MEMO1: variants seen among roughly 807,000 people sequenced by gnomAD.
MEMO1 encodes protein MEMO1.
Under a neutral mutation model 45.2 loss-of-function variants are expected in MEMO1, and 6 were observed. That is an observed-to-expected ratio of 0.13 (90% CI 0.07 to 0.26). The LOEUF (loss-of-function observed/expected upper bound fraction) is 0.26, where lower values mean the gene tolerates loss of function less well. Ranked by LOEUF, MEMO1 falls within the 10% of genes least tolerant of loss-of-function variation. The pLI is 1.00. For synonymous variants in MEMO1, 78 were observed against 124.3 expected (o/e 0.63, Z 2.48); for missense variants, 184 against 370.5 (o/e 0.50, Z 4.13).
chr2:31,994,331 A>G (rs1422286047), intron 2 of MEMO1, among the ~76,000 whole-genome samples: 1 of 151,838 alleles, frequency 6.6e-6, no homozygotes, highest in Non-Finnish European at 1.5e-5. Context: ...CTGGCATCCA[A>G]TAAAAATTAA....
chr2:31,921,067 T>C (rs972624895), intron 4 of MEMO1, among the ~76,000 whole-genome samples, 157 bp from the exon 5 acceptor site: 2 of 152,212 alleles, frequency 1.3e-5, no homozygotes, highest in Admixed American at 6.5e-5. Context: ...AATTCACATG[T>C]TGAAGAACCA....
intron 7 of MEMO1, among the ~76,000 whole-genome samples, chr2:31,890,206 T>A (rs1676762359): frequency 6.6e-6 from 1 of 152,144 alleles, no homozygotes; most frequent in African/African-American, 2.4e-5. Flanking sequence ...ATGTTACAGT[T>A]GCACAGGTTG....
At chr2:31,887,247 A>G (rs1420669750) in intron 7 of MEMO1, among the ~76,000 whole-genome samples, 1 of 152,160 alleles carries the variant, frequency 6.6e-6, no homozygotes, top group Non-Finnish European at 1.5e-5. Context: ...TGGTACAAGA[A>G]CCAATGCTAC....
chr2:31,883,018 G>A (rs778750779), intron 8 of MEMO1, among the ~76,000 whole-genome samples: 40 of 152,090 alleles, frequency 2.6e-4, no homozygotes, highest in Non-Finnish European at 5.3e-4. Context: ...ATTTCAGGTA[G>A]TCGTGAAACA....
At chr2:31,906,908 G>C (rs1261055519) in intron 6 of MEMO1, among the ~76,000 whole-genome samples, 1 of 152,104 alleles carries the variant, frequency 6.6e-6, no homozygotes, top group Non-Finnish European at 1.5e-5. Context: ...CCAATATCTA[G>C]CTATAAATAT....
At chr2:31,980,085 C>T (rs965297707) in intron 2 of MEMO1, among the ~76,000 whole-genome samples, 32 of 150,750 alleles carry the variant, frequency 2.1e-4, no homozygotes, top group African/African-American at 6.8e-4. Context: ...TTAAAAAGAA[C>T]GGAAACTAAT....
intron 2 of MEMO1, among the ~76,000 whole-genome samples, chr2:32,005,500 T>G (rs552291128): frequency 6.6e-6 from 1 of 152,228 alleles, no homozygotes; most frequent in South Asian, 2.1e-4. Context: ...ATTATGTGAA[T>G]GTACTTAATT....
intron 8 of MEMO1, among the ~76,000 whole-genome samples, chr2:31,878,790 C>CA (rs1172112824): frequency 5.3e-5 from 5 of 93,656 alleles, no homozygotes; most frequent in Non-Finnish European, 8.4e-5. Context: ...GTTACCTAAC[C>CA]AAAAAAAGAC....
At chr2:31,958,384 A>C (rs1236481477) in intron 2 of MEMO1, among the ~76,000 whole-genome samples, 2 of 151,662 alleles carry the variant, frequency 1.3e-5, no homozygotes, top group Non-Finnish European at 2.9e-5. Flanking sequence ...GCCTGGATTG[A>C]AGTGGTACCT....
intron 4 of MEMO1, among the ~76,000 whole-genome samples, chr2:31,927,276 C>T (rs1253924381): frequency 3.3e-5 from 5 of 152,032 alleles, no homozygotes; most frequent in Admixed American, 6.5e-5. Flanking sequence ...GCTGAGATAG[C>T]GCCACTGCAT....
chr2:31,888,084 T>A (rs895750427), intron 7 of MEMO1, among the ~76,000 whole-genome samples: 1 of 151,662 alleles, frequency 6.6e-6, no homozygotes, highest in Non-Finnish European at 1.5e-5. Context: ...TTTAAAAAAA[T>A]ATATGTCATA....
chr2:31,999,176 A>C (rs1429881482), intron 2 of MEMO1, among the ~76,000 whole-genome samples: 1 of 152,156 alleles, frequency 6.6e-6, no homozygotes, highest in Non-Finnish European at 1.5e-5. Context: ...ACTCATTTCA[A>C]GCCACTATCA....
chr2:31,912,066 G>A (rs1435802090), intron 6 of MEMO1, among the ~76,000 whole-genome samples: 1 of 152,118 alleles, frequency 6.6e-6, no homozygotes, highest in Non-Finnish European at 1.5e-5. Flanking sequence ...GGGAGCGGTG[G>A]GTCACACCTA....
At chr2:31,964,622 A>G (rs1326146347) in intron 2 of MEMO1, among the ~76,000 whole-genome samples, 2 of 152,158 alleles carry the variant, frequency 1.3e-5, no homozygotes, top group African/African-American at 4.8e-5. Context: ...AATCACTTGC[A>G]CCTGGGAGGC....
At chr2:31,989,505 G>T (rs917462040) in intron 2 of MEMO1, among the ~76,000 whole-genome samples, 1 of 152,166 alleles carries the variant, frequency 6.6e-6, no homozygotes, top group African/African-American at 2.4e-5. Context: ...ACTGACTAAT[G>T]CATGATGTTT....
At position 31,969,598 on chromosome 2, in the gene MEMO1, T is replaced by G. The variant is rs549010007; in HGVS notation, c.62-26215A>C. On this transcript the variant is annotated intron_variant, in intron 2 of 9. Transcript: ENST00000404530. Reference sequence around the variant, plus strand: ...GGGTGTGTGTGTGGGTGTGTGTGTGTGTGTGTGTGTGTGTGTGTGTGTGTG... The same window carrying G: ...GGGTGTGTGTGTGGGTGTGTGTGTGGGTGTGTGTGTGTGTGTGTGTGTGTG... Among the ~76,000 whole-genome samples the G allele has an allele frequency of 3.9e-3, 565 of 144,178 alleles. 2 individuals are homozygous for G. The highest frequency in any genetic ancestry group is 0.01 in the African/African-American group (383 of 37,182). The allele number at this position is 144,178 out of a possible 152,430, so 94.6% of individuals were successfully genotyped here.
intron 2 of MEMO1, among the ~76,000 whole-genome samples, chr2:31,957,057 A>G (rs934729425): frequency 3.3e-5 from 5 of 151,362 alleles, no homozygotes; most frequent in African/African-American, 1.2e-4. Flanking sequence ...CAGGAGAATC[A>G]CTTGAACCAG....
chr2:31,872,243 CTAATTGTAGGCTCTT>C (rs1673891838), intron 8 of MEMO1, among the ~76,000 whole-genome samples: 1 of 152,144 alleles, frequency 6.6e-6, no homozygotes, highest in African/African-American at 2.4e-5. Context: ...TTCTAAATTT[CTAATTGTAGGCTCTT>C]TCTCACTCTC....
At chr2:31,983,065 C>T (rs1670847892) in intron 2 of MEMO1, among the ~76,000 whole-genome samples, 1 of 151,676 alleles carries the variant, frequency 6.6e-6, no homozygotes, top group African/African-American at 2.4e-5. Context: ...ACGGTGAAAC[C>T]CCATCTCTAC....
Sources: allele counts gnomAD v4.1 joint callset (sites outside exome capture counted in the v4.1 genomes callset), GRCh38; gene constraint gnomAD v4.1.1; transcripts MANE v1.5; gene names NCBI Gene and HGNC (gene_info 2026-07-23, HGNC 2026-07-21).